TMEM222: variants seen among roughly 807,000 people sequenced by gnomAD.
TMEM222 encodes transmembrane protein 222, also known as chromosome 1 open reading frame 160.
A neutral mutation model predicts 25.1 loss-of-function variants in TMEM222; 18 were observed. The ratio of observed to expected loss-of-function variants is 0.72; its 90% confidence interval spans 0.50 to 1.06. TMEM222 has a LOEUF of 1.06. Ranked by LOEUF, TMEM222 falls within the 50% of genes least tolerant of loss-of-function variation. TMEM222 has a pLI of 0.00. For synonymous variants in TMEM222, 131 were observed against 117.9 expected (o/e 1.11, Z -0.72); for missense variants, 296 against 293.7 (o/e 1.01, Z -0.06).
intron 5 of TMEM222, chr1:27,334,532 G>A: frequency 2.1e-6 from 3 of 1,408,204 alleles, no homozygotes; most frequent in South Asian, 3.0e-5. Context: ...ATGGGCAACT[G>A]CCTTGGTCTC....
chr1:27,322,186 GGC>G lies in TMEM222; in HGVS notation c.-5_-4del, dbSNP rs1336676479. On this transcript the variant is annotated 5_prime_UTR_variant, in exon 1 of 6. Coordinates refer to ENST00000374076, the MANE Select transcript of TMEM222 (RefSeq NM_032125.3). ...CCAGAGCCGGGGCCAGTCGGAGCGG[GGC>G]GCGCGCCGCATGGCGGAAGCGGAAG... The G allele has an allele frequency of 1.4e-6, 2 of 1,381,696 alleles. No individual in the cohort carries two copies. Among genetic ancestry groups the G allele is most frequent in the African/African-American group, 1.5e-5 (1 of 67,116 alleles). 85.6% of individuals were successfully genotyped at this position (1,381,696 alleles called of 1,614,324 possible). A position where few individuals can be genotyped will look rare whatever the true frequency, so the allele number is the denominator to read the frequency against.
chr1:27,323,198 G>C, intron 1 of TMEM222, among the ~76,000 whole-genome samples: 1 of 152,198 alleles, frequency 6.6e-6, no homozygotes. Flanking sequence ...GCTGCTTGTA[G>C]CATTAAGTGT....
rs769029555 is a variant in TMEM222, at chr1:27,322,225, C to T, written c.28C>T (p.Leu10Phe). The T allele has an allele frequency of 1.9e-5, 28 of 1,450,406 alleles. No individual in the cohort carries two copies. The highest frequency in any genetic ancestry group is 2.4e-5 in the Non-Finnish European group (26 of 1,095,266). 89.8% of individuals were successfully genotyped at this position (1,450,406 alleles called of 1,614,324 possible). The change falls in exon 1 of 6, where the codon CTC becomes TTC. Residue 10 changes from leucine (L) to phenylalanine (F), a missense_variant. Transcript: ENST00000374076. The part of the protein sequence containing the change: MAEAEGSSL[L>F]LLPPPPPPPR... Reference sequence around the variant, plus strand: ...GGCGGAAGCGGAAGGGAGTTCTCTGCTCTTGTTGCCGCCGCCGCCACCCCC... The same window carrying T: ...GGCGGAAGCGGAAGGGAGTTCTCTGTTCTTGTTGCCGCCGCCGCCACCCCC...
At chr1:27,334,101 G>T in intron 4 of TMEM222, 47 bp downstream of exon 4, 2 of 1,614,008 alleles carry the variant, frequency 1.2e-6, no homozygotes, top group Non-Finnish European at 1.7e-6. Flanking sequence ...GGGGACCAGG[G>T]GGGAGGCTCC....
At chr1:27,335,015 G>A (rs976422758) in intron 5 of TMEM222, 4 of 336,612 alleles carry the variant, frequency 1.2e-5, no homozygotes, top group Non-Finnish European at 2.2e-5. Flanking sequence ...GAGGGCACAC[G>A]TGGCTTCCAT....
In TMEM222 at chr1:27,335,822, G is replaced by T; in HGVS notation, c.*356G>T. 1 of 307,696 alleles carries T rather than the reference G, an allele frequency of 3.2e-6. No individual in the cohort carries two copies. Among genetic ancestry groups the T allele is most frequent in the South Asian group, 3.8e-5 (1 of 26,406 alleles). The allele number at this position is 307,696 out of a possible 1,614,324, so 19.1% of individuals were successfully genotyped here. ...CCAGTATGGGGAGAGGAGGACATTT[G>T]GGCTCACCTGTCAAGGTGGCCCTGG... is the stretch of plus-strand genomic sequence containing the variant. On this transcript the variant is annotated 3_prime_UTR_variant, in exon 6 of 6. Coordinates refer to ENST00000374076, the MANE Select transcript of TMEM222 (RefSeq NM_032125.3).
intron 3 of TMEM222, chr1:27,333,388 C>A (rs1042474294): frequency 1.7e-5 from 8 of 471,080 alleles, no homozygotes; most frequent in Admixed American, 9.4e-5. Context: ...CCTTCTCACA[C>A]CCCATCTTAG....
intron 3 of TMEM222, 70 bp downstream of exon 3, chr1:27,332,171 T>TG: frequency 6.3e-7 from 1 of 1,582,508 alleles, no homozygotes. Context: ...CCAGGCCTTC[T>TG]GGGGCACAGG....
chr1:27,322,435 G>C (rs773233039), intron 1 of TMEM222, 44 bp downstream of exon 1: 2 of 1,330,416 alleles, frequency 1.5e-6, no homozygotes, highest in Non-Finnish European at 1.9e-6. Flanking sequence ...GAGGGCCCAG[G>C]GAGAGCCGGA....
chr1:27,334,825 G>A, intron 5 of TMEM222: 1 of 1,084,804 alleles, frequency 9.2e-7, no homozygotes, highest in Non-Finnish European at 1.1e-6. Context: ...GTTCTGAAAA[G>A]AAGACTTTTA....
chr1:27,325,351 T>G (rs1326891540), intron 1 of TMEM222: 2 of 816,424 alleles, frequency 2.4e-6, no homozygotes, highest in Non-Finnish European at 4.3e-6. Context: ...GAGCAGGAGA[T>G]GGCCACTACC....
chr1:27,332,984 C>T (rs575433771), intron 3 of TMEM222: 2 of 296,140 alleles, frequency 6.8e-6, no homozygotes, highest in Non-Finnish European at 1.3e-5. Flanking sequence ...CCTCCCAGCT[C>T]TCCTTGGCCT....
chr1:27,324,938 C>T (rs1198221693), intron 1 of TMEM222, among the ~76,000 whole-genome samples: 1 of 152,172 alleles, frequency 6.6e-6, no homozygotes, highest in Non-Finnish European at 1.5e-5. Flanking sequence ...ATCCCACCAC[C>T]AGCCCCCACC....
At chr1:27,333,466 C>T (rs772833088) in intron 3 of TMEM222, 1 of 467,328 alleles carries the variant, frequency 2.1e-6, no homozygotes, top group South Asian at 1.5e-5. Flanking sequence ...ATGTATTTCT[C>T]ACAGTTCCGA....
At position 27,322,355 on chromosome 1, in the gene TMEM222, C is replaced by G. The variant is rs1343137103; in HGVS notation, c.158C>G (p.Pro53Arg). Residue 53 changes from proline to arginine, a missense_variant, in exon 1 of 6, where the codon CCC (proline) becomes CGC (arginine). Physicochemically the swap from Pro to Arg is moderately radical, Grantham distance 103. Transcript: ENST00000374076. Reference sequence around the variant, plus strand: ...ATGGATGTGGAACGGAGTCGCTTCCCCTACTGCGTGGTGTGGACGCCCATC... The same window carrying G: ...ATGGATGTGGAACGGAGTCGCTTCCGCTACTGCGTGGTGTGGACGCCCATC... ...VAMDVERSRFPYCVVWTPIPV... is the reference protein window; with the variant it reads ...VAMDVERSRFRYCVVWTPIPV... 6.6e-7 allele frequency: 1 copy of G among 1,511,656 alleles called. No individual in the cohort carries two copies. Among genetic ancestry groups the G allele is most frequent in the African/African-American group, 1.4e-5 (1 of 70,114 alleles). 93.6% of individuals were successfully genotyped at this position (1,511,656 alleles called of 1,614,324 possible). A position where few individuals can be genotyped will look rare whatever the true frequency, so the allele number is the denominator to read the frequency against.
At chr1:27,335,189 C>A in intron 5 of TMEM222, 190 bp from the exon 6 acceptor site, 1 of 612,214 alleles carries the variant, frequency 1.6e-6, no homozygotes, top group Non-Finnish European at 2.9e-6. Context: ...GGGACCATAG[C>A]TGGTGATCCC....
chr1:27,334,716 C>T (rs2014564491), intron 5 of TMEM222: 1 of 1,340,510 alleles, frequency 7.5e-7, no homozygotes, highest in South Asian at 1.3e-5. Flanking sequence ...GTCGCCACAG[C>T]ATGGACACAG....
intron 3 of TMEM222, 175 bp downstream of exon 3, chr1:27,332,276 G>T: frequency 1.4e-6 from 1 of 735,812 alleles, no homozygotes; most frequent in Non-Finnish European, 2.4e-6. Flanking sequence ...AGTGTGTACC[G>T]CACCAGCCCC....
At position 27,334,240 on chromosome 1, in the gene TMEM222, G is replaced by C. The variant is rs6663062; in HGVS notation, c.498G>C (p.Val166=). Residue 166 remains valine (V), a synonymous_variant, in exon 5 of 6, where the codon GTG becomes GTC. Transcript: ENST00000374076. ...ACAACAGCACCAACTGGAATATGGT[G>C]ACGCTCTGCTTCTTCTGCCTGCTCT... ...RYNNSTNWNM[V]TLCFFCLLYG... 0.032 allele frequency: 52,380 copies of C among 1,614,232 alleles called. 1,016 individuals are homozygous for C. Among genetic ancestry groups the C allele is most frequent in the Middle Eastern group, 0.048 (289 of 6,062 alleles).
Sources: allele counts gnomAD v4.1 joint callset (sites outside exome capture counted in the v4.1 genomes callset), GRCh38; gene constraint gnomAD v4.1.1; transcripts MANE v1.5; gene names NCBI Gene and HGNC (gene_info 2026-07-23, HGNC 2026-07-21).